Variants in EBF4 observed in about 807,000 individuals in gnomAD.
The protein encoded by EBF4 is transcription factor COE4.
In EBF4, 34 loss-of-function variants were observed where a neutral mutation model predicts 67.1. That is an observed-to-expected ratio of 0.51 (90% CI 0.39 to 0.67). EBF4 has a LOEUF of 0.67. Among genes scored for constraint, EBF4 ranks in the 30% least tolerant of loss-of-function variants. The pLI, the probability that EBF4 is intolerant of heterozygous loss-of-function variation, is 0.00. For synonymous variants in EBF4, 387 were observed against 377.7 expected, an observed-to-expected ratio of 1.02 and a Z score of -0.29; for missense variants, 837 against 873.3, an observed-to-expected ratio of 0.96 and a Z score of 0.52.
At chr20:2,694,293 G>A (rs1408550487) in intron 1 of EBF4, among the ~76,000 whole-genome samples, 5 of 152,220 alleles carry the variant, frequency 3.3e-5, no homozygotes, top group African/African-American at 1.2e-4. Context: ...GGACGGTGGC[G>A]AAGAGATGAG....
At chr20:2,693,305 C>T (rs916362880), upstream of EBF4, among the ~76,000 whole-genome samples, 20 of 149,588 alleles carry the variant, frequency 1.3e-4, no homozygotes, top group African/African-American at 4.6e-4. The surrounding 1 kb of genome is among the most constrained non-coding windows in gnomAD (Gnocchi z 4.6). Context: ...CCCGGGCAGC[C>T]GCCAGAGCGC....
chr20:2,740,123 A>T (rs1244208218), intron 6 of EBF4, among the ~76,000 whole-genome samples: 1 of 152,148 alleles, frequency 6.6e-6, no homozygotes, highest in Middle Eastern at 3.2e-3. Context: ...GACCAGCCTG[A>T]CCAATATGGT....
At chr20:2,721,528 C>T (rs1328664149) in intron 6 of EBF4, among the ~76,000 whole-genome samples, 1 of 152,084 alleles carries the variant, frequency 6.6e-6, no homozygotes, top group Non-Finnish European at 1.5e-5. Context: ...GATCTCGGCT[C>T]ACTGCAACTT....
chr20:2,706,095 T>G (rs2087453874), intron 3 of EBF4, 58 bp downstream of exon 3: 1 of 1,548,524 alleles, frequency 6.5e-7, no homozygotes, highest in Non-Finnish European at 8.7e-7. Context: ...CACTGCAGCA[T>G]CATGCGACAC....
chr20:2,754,203 T>TCC lies in EBF4; in HGVS notation c.1541-1421_1541-1420dup, dbSNP rs1269534721. On this transcript the variant is annotated intron_variant, in intron 14 of 16. Transcript: ENST00000609451. Reference sequence around the variant, plus strand: ...GAGGCTTACCCAGGTACCCTTCCACTCCCCACGTTCAGGGTGCTTTGTGGC... The same window carrying TCC: ...GAGGCTTACCCAGGTACCCTTCCACTCCCCCCACGTTCAGGGTGCTTTGTGGC... Among the ~76,000 whole-genome samples, 18 of 152,228 alleles carry TCC rather than the reference T, an allele frequency of 1.2e-4. No homozygotes were observed. In the East Asian group the frequency reaches 3.1e-3, roughly 26 times the overall value.
chr20:2,751,834 G>T lies in EBF4; in HGVS notation c.1107+46G>T. On this transcript the variant is annotated intron_variant, in intron 11 of 16. Transcript: ENST00000609451. The surrounding 1 kb of genome is among the most constrained non-coding windows in gnomAD (Gnocchi z 5.2). ...GGGCGGGGCTGAGGGTGTCCTGTGGGCAAGGGGGTGAGGAGGGGCTCCCGA... is the reference window on the plus strand; with the variant it reads ...GGGCGGGGCTGAGGGTGTCCTGTGGTCAAGGGGGTGAGGAGGGGCTCCCGA... 1 of 1,548,820 alleles carries T rather than the reference G, an allele frequency of 6.5e-7. No homozygotes were observed. Among genetic ancestry groups the T allele is most frequent in the Non-Finnish European group, 8.7e-7 (1 of 1,146,282 alleles).
rs575750333 is a variant in EBF4 at position 2,697,572 on chromosome 20, G to A, written c.137+3790G>A. 2.8e-3 allele frequency among the ~76,000 whole-genome samples: 373 copies of A among 132,844 alleles called. 2 individuals are homozygous for A. Among genetic ancestry groups the A allele is most frequent in the African/African-American group, 9.9e-3 (337 of 33,992 alleles). 87.2% of individuals were successfully genotyped at this position (132,844 alleles called of 152,430 possible). A position where few individuals can be genotyped will look rare whatever the true frequency, so the allele number is the denominator to read the frequency against. On this transcript the variant is annotated intron_variant, in intron 1 of 16. Coordinates refer to ENST00000609451, the Ensembl canonical transcript of EBF4. ...AAAAAAAAAGAAAGAAAGAAAAAGG[G>A]GGTAGGGAGAGCAGAGGGGCTGCAT...
At chr20:2,728,369 C>T (rs1474523434) in intron 6 of EBF4, among the ~76,000 whole-genome samples, 1 of 152,152 alleles carries the variant, frequency 6.6e-6, no homozygotes, top group African/African-American at 2.4e-5. Flanking sequence ...TAAAGCATCT[C>T]GTCATCCTGG....
chr20:2,702,427 CAA>C (rs11476966), intron 1 of EBF4, among the ~76,000 whole-genome samples: 35 of 138,596 alleles, frequency 2.5e-4, no homozygotes, highest in East Asian at 8.2e-4. Context: ...GATCCTGTCT[CAA>C]AAAAAAAAAA....
Position 2,751,827 on chromosome 20 carries a change from C to A in EBF4, c.1107+39C>A, listed in dbSNP as rs1352258018. ...CGGGGCGGGGCGGGGCTGAGGGTGT[C>A]CTGTGGGCAAGGGGGTGAGGAGGGG... On this transcript the variant is annotated intron_variant, in intron 11 of 16. Transcript: ENST00000609451. This position sits in a 1 kb window ranked among gnomAD's most constrained non-coding sequence, Gnocchi z 5.2. 1 of 1,547,612 alleles carries A rather than the reference C, an allele frequency of 6.5e-7. No individual in the cohort carries two copies. Among genetic ancestry groups the A allele is most frequent in the South Asian group, 1.2e-5 (1 of 84,028 alleles).
chr20:2,716,965 C>T (rs2087618626), intron 6 of EBF4, among the ~76,000 whole-genome samples: 1 of 152,128 alleles, frequency 6.6e-6, no homozygotes, highest in African/African-American at 2.4e-5. Context: ...GATATTTTGG[C>T]CTTTTGTGTT....
At chr20:2,724,457 G>A (rs2087723329) in intron 6 of EBF4, among the ~76,000 whole-genome samples, 1 of 152,108 alleles carries the variant, frequency 6.6e-6, no homozygotes, top group South Asian at 2.1e-4. Context: ...TCTTTTAGAA[G>A]TTCCTTGAAA....
chr20:2,747,733 C>T lies in EBF4; in HGVS notation c.558-816C>T, dbSNP rs1022178953. ...TTGCAATAACTATATTTTGGGTAAT[C>T]ATTTACAACATAAAATGCGTATTAA... On this transcript the variant is annotated intron_variant, in intron 6 of 16. Transcript: ENST00000609451. The surrounding 1 kb of genome is among the most constrained non-coding windows in gnomAD (Gnocchi z 4.6). Among the ~76,000 whole-genome samples, 82 of 152,138 alleles carry T rather than the reference C, an allele frequency of 5.4e-4. No homozygotes were observed. Among genetic ancestry groups the T allele is most frequent in the Non-Finnish European group, 2.4e-4 (16 of 68,040 alleles).
rs1246609333 is a variant in EBF4 at position 2,696,270 on chromosome 20, G to A, written c.137+2488G>A. Among the ~76,000 whole-genome samples, 4 of 152,142 alleles carry A rather than the reference G, an allele frequency of 2.6e-5. No individual in the cohort carries two copies. The highest frequency in any genetic ancestry group is 4.4e-5 in the Non-Finnish European group (3 of 68,032). On this transcript the variant is annotated intron_variant, in intron 1 of 16. Coordinates refer to ENST00000609451, the Ensembl canonical transcript of EBF4. The surrounding 1 kb of genome is among the most constrained non-coding windows in gnomAD (Gnocchi z 4.7). ...GCGTTTCACTTGAGGCCAGGAGTTC[G>A]AGACCAGCCTAGCCAACATGGTGAA...
chr20:2,755,809 G>A lies in EBF4; in HGVS notation c.1723G>A (p.Gly575Arg), dbSNP rs1303841728. The A allele has an allele frequency of 7.8e-6, 12 of 1,547,864 alleles. No homozygotes were observed. The highest frequency in any genetic ancestry group is 1.4e-5 in the African/African-American group (1 of 73,020). Reference sequence around the variant, plus strand: ...ACCCCAGGCCTGCCCCAGAGCCCACGGAGAGGGGCTTCCAGGTGAGTGATC... The same window carrying A: ...ACCCCAGGCCTGCCCCAGAGCCCACAGAGAGGGGCTTCCAGGTGAGTGATC... Residue 575 changes from glycine to arginine, a missense_variant, in exon 15 of 17, where the codon GGA becomes AGA. By Grantham distance (125) the Gly-to-Arg change is moderately radical (BLOSUM62 -2). Coordinates refer to ENST00000609451, the Ensembl canonical transcript of EBF4. This position sits in a 1 kb window ranked among gnomAD's most constrained non-coding sequence, Gnocchi z 4.7.
At chr20:2,740,279 C>G (rs1292986559) in intron 6 of EBF4, among the ~76,000 whole-genome samples, 2 of 152,116 alleles carry the variant, frequency 1.3e-5, no homozygotes, top group Admixed American at 1.3e-4. Context: ...CGCCACTGCA[C>G]TCCAGCCTGG....
In EBF4 at chr20:2,755,676, G is replaced by T. The variant is rs533640511; in HGVS notation, c.1590G>T (p.Pro530=). ...CGGCTGCCTCCTCCATGTCCCTCCCGGCCGCTGCCCCCACCACCAGCGTGT... is the reference window on the plus strand; with the variant it reads ...CGGCTGCCTCCTCCATGTCCCTCCCTGCCGCTGCCCCCACCACCAGCGTGT... The change falls in exon 15 of 17, where the codon CCG becomes CCT. Residue 530 remains proline (P), a synonymous_variant. Coordinates refer to ENST00000609451, the Ensembl canonical transcript of EBF4. This position sits in a 1 kb window ranked among gnomAD's most constrained non-coding sequence, Gnocchi z 4.7. 1 of 1,218,252 alleles carries T rather than the reference G, an allele frequency of 8.2e-7. No individual in the cohort carries two copies. Among genetic ancestry groups the T allele is most frequent in the Non-Finnish European group, 1.1e-6 (1 of 950,732 alleles). The allele number at this position is 1,218,252 out of a possible 1,614,324, so 75.5% of individuals were successfully genotyped here.
rs1175484084 is a variant in EBF4 at position 2,745,344 on chromosome 20, C to A, written c.558-3205C>A. Among the ~76,000 whole-genome samples the A allele has an allele frequency of 6.6e-6, 1 of 152,096 alleles. No individual in the cohort carries two copies. The highest frequency in any genetic ancestry group is 1.5e-5 in the Non-Finnish European group (1 of 68,014). ...CTATGTGCTAGCTCTGAGGACAGGCCCAAAGGGAAGGGAGAAGGGGACTGA... is the reference window on the plus strand; with the variant it reads ...CTATGTGCTAGCTCTGAGGACAGGCACAAAGGGAAGGGAGAAGGGGACTGA... On this transcript the variant is annotated intron_variant, in intron 6 of 16. Transcript: ENST00000609451. This position sits in a 1 kb window ranked among gnomAD's most constrained non-coding sequence, Gnocchi z 5.2.
Position 2,693,635 on chromosome 20 carries a change from C to T in EBF4, c.-11C>T, listed in dbSNP as rs774741154. 3 of 1,405,864 alleles carry T rather than the reference C, an allele frequency of 2.1e-6. No individual in the cohort carries two copies. In the South Asian group the frequency reaches 4.5e-5, roughly 21 times the overall value. The allele number at this position is 1,405,864 out of a possible 1,614,324, so 87.1% of individuals were successfully genotyped here. A position where few individuals can be genotyped will look rare whatever the true frequency, so the allele number is the denominator to read the frequency against. On this transcript the variant is annotated 5_prime_UTR_variant, in exon 1 of 17. Coordinates refer to ENST00000609451, the Ensembl canonical transcript of EBF4. This position sits in a 1 kb window ranked among gnomAD's most constrained non-coding sequence, Gnocchi z 4.6. ...CGGGGCGGCGGGGGCGCTCACTCAC[C>T]GCGCGCCCTCATGTTCCCTGCGCAG...
Sources: gnomAD v4.1 joint callset for allele counts (sites outside exome capture counted in the v4.1 genomes callset) on GRCh38, gnomAD v4.1.1 for gene constraint, Gnocchi (gnomAD v3.1) non-coding constraint, MANE v1.5 for transcripts, NCBI Gene and HGNC (gene_info 2026-07-23, HGNC 2026-07-21) for gene names.